Variants in CAPN15 observed in about 807,000 individuals in gnomAD.
CAPN15 encodes the protein calpain-15.
In CAPN15, 53 loss-of-function variants were observed where a neutral mutation model predicts 97.9. The observed-to-expected ratio is 0.54, with a 90% CI of 0.43 to 0.68. The LOEUF is 0.68. Ranked by LOEUF, CAPN15 falls within the 30% of genes least tolerant of loss-of-function variation. The pLI is 0.00. For synonymous variants in CAPN15, 922 were observed against 722.5 expected (o/e 1.28, Z -4.43); for missense variants, 1,592 against 1,589.8 (o/e 1.00, Z -0.02).
chr16:549,043 C>T lies in CAPN15; in HGVS notation c.1500C>T (p.Val500=), dbSNP rs370777534. The part of the protein sequence containing the change: ...DDSFPPGPES[V]GFPAGDSVQQ... Reference sequence around the variant, plus strand: ...GCTTCCCTCCCGGGCCCGAGTCTGTCGGCTTCCCCGCGGGTGACAGCGTGC... The same window carrying T: ...GCTTCCCTCCCGGGCCCGAGTCTGTTGGCTTCCCCGCGGGTGACAGCGTGC... The change falls in exon 5 of 14, where the codon GTC becomes GTT. Residue 500 remains valine (V), a synonymous_variant. Coordinates refer to ENST00000219611, the MANE Select transcript of CAPN15 (RefSeq NM_005632.3). The T allele has an allele frequency of 1.2e-5, 20 of 1,612,646 alleles. No homozygotes were observed. The highest frequency in any genetic ancestry group is 6.7e-5 in the East Asian group (3 of 44,892).
chr16:546,749 G>A (rs922760120), intron 3 of CAPN15, 68 bp from the exon 4 acceptor site: 50 of 1,480,672 alleles, frequency 3.4e-5, no homozygotes, highest in Admixed American at 1.2e-4. Flanking sequence ...TCCCCAGGCC[G>A]AGAGGAGGGT....
chr16:553,320 C>G lies in CAPN15; in HGVS notation c.3084-19C>G, dbSNP rs2035248060. ...CCCCACCCTGCCCTCCACAGGTCCT[C>G]ACCGGTCCCCTCCCCCAGGCAGGTC... On this transcript the variant is annotated intron_variant, in intron 13 of 13. Transcript: ENST00000219611. 1 of 1,584,474 alleles carries G rather than the reference C, an allele frequency of 6.3e-7. No individual in the cohort carries two copies. Among genetic ancestry groups the G allele is most frequent in the African/African-American group, 1.4e-5 (1 of 72,672 alleles).
intron 3 of CAPN15, chr16:539,892 G>C (rs1476846207): frequency 1.3e-5 from 2 of 159,454 alleles, no homozygotes; most frequent in African/African-American, 2.4e-5. Context: ...TGGGGGCCGG[G>C]GGGTGTCCTA....
rs79942802 is a variant in CAPN15 at position 552,672 on chromosome 16, C to T, written c.2805C>T (p.Tyr935=). The change falls in exon 12 of 14, where the codon TAC becomes TAT. Residue 935 remains tyrosine (Y), a synonymous_variant. Coordinates refer to ENST00000219611, the MANE Select transcript of CAPN15 (RefSeq NM_005632.3). The surrounding 1 kb of genome is among the most constrained non-coding windows in gnomAD (Gnocchi z 6.4). ...PEPPGHVLAV[Y]SSRLVMVEPV... ...CGCCGGGCCACGTGCTGGCTGTGTA[C>T]AGCTCGAGGCTGGTCATGGTGGAGC... 9,336 of 1,543,728 alleles carry T rather than the reference C, an allele frequency of 6.0e-3. 394 individuals carry two copies. The Admixed American group carries it at 0.092, about 15-fold the overall frequency.
At chr16:548,872 C>A in intron 4 of CAPN15, 121 bp from the exon 5 acceptor site, 1 of 920,850 alleles carries the variant, frequency 1.1e-6, no homozygotes, top group Non-Finnish European at 1.7e-6. Context: ...TGTCCACGCT[C>A]CACCCGTCCC....
At position 542,758 on chromosome 16, in the gene CAPN15, G is replaced by GA. The variant is rs60637004; in HGVS notation, c.-22-4049dup. On this transcript the variant is annotated intron_variant, in intron 3 of 13. Coordinates refer to ENST00000219611, the MANE Select transcript of CAPN15 (RefSeq NM_005632.3). ...GTGCACCACCATAGCTGGTTAATTA[G>GA]AAAAAAAAAATTTGGCCAGGCGCAG... Among the ~76,000 whole-genome samples the GA allele has an allele frequency of 4.1e-4, 61 of 150,294 alleles. 1 individual carries two copies. Among genetic ancestry groups the GA allele is most frequent in the South Asian group, 1.1e-3 (5 of 4,740 alleles).
At position 551,203 on chromosome 16, in the gene CAPN15, T is replaced by C. The variant is rs1186260940; in HGVS notation, c.2067-99T>C. 1.6e-4 allele frequency: 203 copies of C among 1,305,790 alleles called. 21 individuals carry two copies. The African/African-American group carries it at 5.6e-3, about 36-fold the overall frequency. The allele number at this position is 1,305,790 out of a possible 1,614,324, so 80.9% of individuals were successfully genotyped here. On this transcript the variant is annotated intron_variant, in intron 7 of 13. Coordinates refer to ENST00000219611, the MANE Select transcript of CAPN15 (RefSeq NM_005632.3). The stretch of plus-strand genomic sequence containing the variant: ...CGGTGAGGGCCCCGGTCGGTGAGGG[T>C]CCCCAGTCGGTGAGGGTCCCGGTCA...
Position 542,935 on chromosome 16 carries a change from T to C in CAPN15, c.-22-3882T>C, listed in dbSNP as rs138348554. On this transcript the variant is annotated intron_variant, in intron 3 of 13. Coordinates refer to ENST00000219611, the MANE Select transcript of CAPN15 (RefSeq NM_005632.3). ...GCGTGGTGACGGGCACCTATAATCC[T>C]AGCTACTAGGGAGGCTGAAGCAGGA... Among the ~76,000 whole-genome samples, 450 of 152,148 alleles carry C rather than the reference T, an allele frequency of 3.0e-3. 1 individual carries two copies. The highest frequency in any genetic ancestry group is 9.4e-3 in the African/African-American group (390 of 41,512).
chr16:543,096 T>C (rs1447736347), intron 3 of CAPN15, among the ~76,000 whole-genome samples: 2 of 152,032 alleles, frequency 1.3e-5, no homozygotes, highest in Non-Finnish European at 2.9e-5. Flanking sequence ...CAGGCTGCAA[T>C]GAGCTGCGAT....
chr16:540,424 G>A (rs1028953347), intron 3 of CAPN15: 23 of 871,838 alleles, frequency 2.6e-5, no homozygotes, highest in East Asian at 2.4e-4. Context: ...AGAGGGCCTC[G>A]TTCTCAGGGT....
intron 3 of CAPN15, chr16:537,889 T>G (rs1339526202): frequency 6.6e-6 from 1 of 152,190 alleles, no homozygotes; most frequent in African/African-American, 2.4e-5. Context: ...CGCTGCCCCT[T>G]GTGGAGGCCG....
chr16:544,780 T>TCGTCTCCCCCACGTCGC, intron 3 of CAPN15, among the ~76,000 whole-genome samples: 1 of 14,676 alleles, frequency 6.8e-5, no homozygotes, highest in East Asian at 2.7e-3. Context: ...CCCCACGTCG[T>TCGTCTCCCCCACGTCGC]CTCCCCCACG....
intron 4 of CAPN15, 131 bp downstream of exon 4, chr16:548,418 C>T (rs1240001656): frequency 3.2e-6 from 3 of 933,496 alleles, no homozygotes; most frequent in Middle Eastern, 3.4e-4. Flanking sequence ...GAGGGCAGCA[C>T]CCTCCGCCCC....
rs921208754 is a variant in CAPN15, at chr16:537,413, G to A, written c.-23+1271G>A. The A allele has an allele frequency of 2.5e-5, 25 of 985,690 alleles. No homozygotes were observed. The South Asian group carries it at 5.6e-4, about 22-fold the overall frequency. 61.1% of individuals were successfully genotyped at this position (985,690 alleles called of 1,614,324 possible). A position where few individuals can be genotyped will look rare whatever the true frequency, so the allele number is the denominator to read the frequency against. ...TAGGAGCCTGTGTTTCTAGCGGCAC[G>A]CGTGACCCCAGGTGCCACGTGGGTG... On this transcript the variant is annotated intron_variant, in intron 3 of 13. Transcript: ENST00000219611.
chr16:528,094 C>CCGGAGGGCGGCGGGGAGCGCGGGCT (rs2032981346), intron 1 of CAPN15, 65 bp downstream of exon 1: 1 of 145,992 alleles, frequency 6.8e-6, no homozygotes, highest in Non-Finnish European at 1.5e-5. Flanking sequence ...GAGCGCGGGC[C>CCGGAGGGCGGCGGGGAGCGCGGGCT]CGGAGGGCGG....
At chr16:550,959 C>T (rs1187728171) in intron 7 of CAPN15, among the ~76,000 whole-genome samples, 2 of 129,504 alleles carry the variant, frequency 1.5e-5, no homozygotes, top group East Asian at 4.4e-4. Flanking sequence ...CTGTGAGGGC[C>T]CCGGTCGGTG....
At position 547,968 on chromosome 16, in the gene CAPN15, C is replaced by G; in HGVS notation, c.1130C>G (p.Pro377Arg). ...CACGGCTTCCAGGAGCATGGCGAGC[C>G]CCCCACCCACTGCCCCGACTGTGGG... The part of the protein sequence containing the change: ...KLHGFQEHGE[P>R]PTHCPDCGAD... Residue 377 changes from proline to arginine, a missense_variant, in exon 4 of 14, where the codon CCC (proline) becomes CGC (arginine). Pro to Arg is a moderately radical substitution (Grantham distance 103). Coordinates refer to ENST00000219611, the MANE Select transcript of CAPN15 (RefSeq NM_005632.3). 2 of 1,585,856 alleles carry G rather than the reference C, an allele frequency of 1.3e-6. No individual in the cohort carries two copies. The highest frequency in any genetic ancestry group is 1.7e-6 in the Non-Finnish European group (2 of 1,167,846).
At chr16:534,066 C>A in intron 2 of CAPN15, 68 bp downstream of exon 2, 1 of 853,150 alleles carries the variant, frequency 1.2e-6, no homozygotes, top group Non-Finnish European at 1.4e-6. Context: ...GTTTGTGGAG[C>A]AGCAGGGTTG....
chr16:529,609 C>T (rs1235590522), intron 1 of CAPN15, among the ~76,000 whole-genome samples: 14 of 152,250 alleles, frequency 9.2e-5, no homozygotes. Context: ...GCCTGAGCCG[C>T]TCAGTGAAGA....
Sources: allele counts gnomAD v4.1 joint callset (sites outside exome capture counted in the v4.1 genomes callset), GRCh38; gene constraint gnomAD v4.1.1; non-coding constraint Gnocchi (gnomAD v3.1); transcripts MANE v1.5; gene names NCBI Gene and HGNC (gene_info 2026-07-23, HGNC 2026-07-21).